The following CNR1 variants were observed in gnomAD, a reference collection of about 807,000 sequenced individuals.
CNR1 encodes cannabinoid receptor 1 (brain).
In CNR1, 10 loss-of-function variants were observed where a neutral mutation model predicts 23.0. The ratio of observed to expected loss-of-function variants is 0.43; its 90% CI spans 0.27 to 0.74. The LOEUF is 0.74. Among genes scored for constraint, CNR1 ranks in the 30% least tolerant of loss-of-function variants. CNR1 has a pLI of 0.19. For synonymous variants in CNR1, 271 were observed against 255.2 expected (o/e 1.06, Z -0.59); for missense variants, 422 against 618.8 (o/e 0.68, Z 3.37).
At chr6:88,151,080 C>T (rs1050645189) in intron 1 of CNR1, among the ~76,000 whole-genome samples, 3 of 152,104 alleles carry the variant, frequency 2.0e-5, no homozygotes, top group Non-Finnish European at 4.4e-5. Flanking sequence ...GAGCCTATTA[C>T]ATATATATCA....
At chr6:88,158,298 C>T (rs531692331) in intron 1 of CNR1, among the ~76,000 whole-genome samples, 5 of 152,224 alleles carry the variant, frequency 3.3e-5, no homozygotes, top group East Asian at 1.9e-4. Flanking sequence ...CCCTTCTTAG[C>T]GTTTGTGTGA....
chr6:88,154,635 G>C (rs567549783), intron 1 of CNR1, among the ~76,000 whole-genome samples: 3 of 152,264 alleles, frequency 2.0e-5, no homozygotes, highest in Admixed American at 6.5e-5. Flanking sequence ...CTGGAGTGCA[G>C]TGGTGTGATC....
At chr6:88,156,732 T>C (rs776039505) in intron 1 of CNR1, among the ~76,000 whole-genome samples, 1 of 152,166 alleles carries the variant, frequency 6.6e-6, no homozygotes, top group Non-Finnish European at 1.5e-5. Flanking sequence ...ACAGAGTAGG[T>C]ATTCAATACC....
Position 88,143,785 on chromosome 6 carries a change from C to A in CNR1, c.*71G>T, listed in dbSNP as rs747801992. On this transcript the variant is annotated 3_prime_UTR_variant, in exon 2 of 2. Transcript: ENST00000369501. ...AGTTAAAAAAATATAACCAAGGAGA[C>A]AATAGACTCTTCTAGATTTTGAGCT... The A allele has an allele frequency of 4.6e-6, 5 of 1,092,740 alleles. No homozygotes were observed. The highest frequency in any genetic ancestry group is 2.4e-5 in the East Asian group (1 of 42,384). The allele number at this position is 1,092,740 out of a possible 1,614,324, so 67.7% of individuals were successfully genotyped here.
rs1778340441 is a variant in CNR1, at chr6:88,165,784, C to T, written c.-64+19G>A. The T allele has an allele frequency of 6.6e-6, 1 of 152,518 alleles. No homozygotes were observed. Among genetic ancestry groups the T allele is most frequent in the Non-Finnish European group, 1.5e-5 (1 of 68,214 alleles). The allele number at this position is 152,518 out of a possible 1,614,324, so 9.4% of individuals were successfully genotyped here. ...GAGGCGGAAAAAGTATTTCCAAACGCAACTCTGCCAGGTCTTACCCTTCGC... is the reference window on the plus strand; with the variant it reads ...GAGGCGGAAAAAGTATTTCCAAACGTAACTCTGCCAGGTCTTACCCTTCGC... On this transcript the variant is annotated intron_variant, in intron 1 of 1. Transcript: ENST00000369501.
Position 88,144,543 on chromosome 6 carries a change from G to A in CNR1, c.732C>T (p.Ala244=). The change falls in exon 2 of 2, where the codon GCC becomes GCT. Residue 244 remains alanine (A), a synonymous_variant. Coordinates refer to ENST00000369501, the MANE Select transcript of CNR1 (RefSeq NM_016083.6). This position sits in a 1 kb window ranked among gnomAD's most constrained non-coding sequence, Gnocchi z 7.8. ...VVAFCLMWTI[A]IVIAVLPLLG... ...GGAGAGGCAGCACGGCGATCACAAT[G>A]GCTATGGTCCACATCAGGCAAAACG... 1 of 1,614,208 alleles carries A rather than the reference G, an allele frequency of 6.2e-7. No individual in the cohort carries two copies. The highest frequency in any genetic ancestry group is 1.3e-5 in the African/African-American group (1 of 75,062).
At chr6:88,148,445 G>T (rs1190058821) in intron 1 of CNR1, among the ~76,000 whole-genome samples, 1 of 144,778 alleles carries the variant, frequency 6.9e-6, no homozygotes, top group Non-Finnish European at 1.5e-5. Context: ...ACACACAGAA[G>T]AAGGCTCCAA....
At chr6:88,151,499 G>A (rs1411285807) in intron 1 of CNR1, among the ~76,000 whole-genome samples, 1 of 152,124 alleles carries the variant, frequency 6.6e-6, no homozygotes, top group Non-Finnish European at 1.5e-5. Context: ...TGGGGATGAG[G>A]ATGATGACAA....
chr6:88,163,855 T>C (rs1011498580), intron 1 of CNR1, among the ~76,000 whole-genome samples: 1 of 152,222 alleles, frequency 6.6e-6, no homozygotes, highest in Non-Finnish European at 1.5e-5. Context: ...CTAGGCTTAT[T>C]AGAGAAGAGC....
rs1284687748 is a variant in CNR1 at position 88,166,330 on chromosome 6, T to G, written c.-591A>C. ...CGCTCGCGCAGTCCCTGCCGCTCCCTCCGCTCGCGCTGTCTCTGGCTCCCT... is the reference window on the plus strand; with the variant it reads ...CGCTCGCGCAGTCCCTGCCGCTCCCGCCGCTCGCGCTGTCTCTGGCTCCCT... On this transcript the variant is annotated 5_prime_UTR_variant, in exon 1 of 2. Coordinates refer to ENST00000369501, the MANE Select transcript of CNR1 (RefSeq NM_016083.6). The G allele has an allele frequency of 6.6e-6, 1 of 152,322 alleles. No homozygotes were observed. The highest frequency in any genetic ancestry group is 1.5e-5 in the Non-Finnish European group (1 of 68,182). The allele number at this position is 152,322 out of a possible 1,614,324, so 9.4% of individuals were successfully genotyped here.
At chr6:88,157,767 C>A (rs1461336537) in intron 1 of CNR1, among the ~76,000 whole-genome samples, 1 of 152,028 alleles carries the variant, frequency 6.6e-6, no homozygotes, top group East Asian at 1.9e-4. Context: ...TCCAAATATG[C>A]AATAATCACT....
In CNR1 at chr6:88,141,016, A is replaced by G. The variant is rs1776782560; in HGVS notation, c.*2840T>C. 1 of 152,320 alleles carries G rather than the reference A, an allele frequency of 6.6e-6. No homozygotes were observed. Among genetic ancestry groups the G allele is most frequent in the Admixed American group, 6.5e-5 (1 of 15,284 alleles). 9.4% of individuals were successfully genotyped at this position (152,320 alleles called of 1,614,324 possible). A position where few individuals can be genotyped will look rare whatever the true frequency, so the allele number is the denominator to read the frequency against. On this transcript the variant is annotated 3_prime_UTR_variant, in exon 2 of 2. Transcript: ENST00000369501. ...GTTGGGAATTTGGCCCTTTCTGAACATGTGTGATGGTAAAATGCATGGTCA... is the reference window on the plus strand; with the variant it reads ...GTTGGGAATTTGGCCCTTTCTGAACGTGTGTGATGGTAAAATGCATGGTCA...
chr6:88,152,944 AAAGAAGCAGTTGGTTTTTATT>A (rs1777604826), intron 1 of CNR1, among the ~76,000 whole-genome samples: 1 of 152,226 alleles, frequency 6.6e-6, no homozygotes, highest in African/African-American at 2.4e-5. Context: ...TGCACCTATT[AAAGAAGCAGTTGGTTTTTATT>A]ACAGTTATAG....
At chr6:88,158,630 G>A (rs1488090053) in intron 1 of CNR1, among the ~76,000 whole-genome samples, 4 of 152,170 alleles carry the variant, frequency 2.6e-5, no homozygotes, top group South Asian at 4.1e-4. Flanking sequence ...TCTTAGCAAG[G>A]CCTTTAGGAG....
chr6:88,145,396 G>C, intron 1 of CNR1, 59 bp from the exon 2 acceptor site: 1 of 808,398 alleles, frequency 1.2e-6, no homozygotes, highest in African/African-American at 1.7e-5. Flanking sequence ...TAAAAACAAA[G>C]AGACACTGTA....
At position 88,144,130 on chromosome 6, in the gene CNR1, C is replaced by A; in HGVS notation, c.1145G>T (p.Cys382Phe). Residue 382 changes from cysteine (C) to phenylalanine (F), a missense_variant, in exon 2 of 2, where the codon TGC (cysteine) becomes TTC (phenylalanine). Physicochemically the swap from Cys to Phe is radical, Grantham distance 205. Coordinates refer to ENST00000369501, the MANE Select transcript of CNR1 (RefSeq NM_016083.6). The surrounding 1 kb of genome is among the most constrained non-coding windows in gnomAD (Gnocchi z 7.8). ...GGAGTTCAGCAGGCAGAGCATACTG[C>A]AGAATGCAAACACCGTCTTAATGAG... ...NKLIKTVFAF[C>F]SMLCLLNSTV... 6.2e-7 allele frequency: 1 copy of A among 1,614,048 alleles called. No homozygotes were observed. Among genetic ancestry groups the A allele is most frequent in the Non-Finnish European group, 8.5e-7 (1 of 1,180,010 alleles).
chr6:88,161,062 A>G (rs950396180), intron 1 of CNR1, among the ~76,000 whole-genome samples: 8 of 152,218 alleles, frequency 5.3e-5, no homozygotes, highest in Non-Finnish European at 1.0e-4. Flanking sequence ...CTTGCATTCA[A>G]AAAAATGCAA....
chr6:88,148,345 A>G (rs1345744493), intron 1 of CNR1, among the ~76,000 whole-genome samples: 1 of 152,132 alleles, frequency 6.6e-6, no homozygotes, highest in East Asian at 1.9e-4. Context: ...CTGTTCCACT[A>G]CTTCCTCCCA....
At chr6:88,155,259 T>G (rs1312288952) in intron 1 of CNR1, among the ~76,000 whole-genome samples, 1 of 152,246 alleles carries the variant, frequency 6.6e-6, no homozygotes, top group East Asian at 1.9e-4. Flanking sequence ...TTCTCCAGAT[T>G]CAAATCTGAG....
Sources: allele counts gnomAD v4.1 joint callset (sites outside exome capture counted in the v4.1 genomes callset), GRCh38; gene constraint gnomAD v4.1.1; non-coding constraint Gnocchi (gnomAD v3.1); transcripts MANE v1.5; gene names NCBI Gene and HGNC (gene_info 2026-07-23, HGNC 2026-07-21).